IGF2R: variants seen among roughly 807,000 people sequenced by gnomAD.
IGF2R encodes the protein insulin like growth factor 2 receptor.
Under a neutral mutation model 270.6 loss-of-function variants are expected in IGF2R, and 91 were observed. The ratio of observed to expected loss-of-function variants is 0.34; its 90% CI spans 0.28 to 0.40. The LOEUF (loss-of-function observed/expected upper bound fraction) is 0.40. Ranked by LOEUF, IGF2R falls within the 10% of genes least tolerant of loss-of-function variation. The probability of loss-of-function intolerance (pLI) is 1.00; values close to 1 mark genes in which losing one functional copy is unlikely to be tolerated. For synonymous variants in IGF2R, 1,316 were observed against 1,258.9 expected (o/e 1.05, Z -0.96); for missense variants, 2,805 against 3,188.3 (o/e 0.88, Z 2.90).
At chr6:160,053,682 G>A (rs1489522181) in intron 19 of IGF2R, among the ~76,000 whole-genome samples, 2 of 152,032 alleles carry the variant, frequency 1.3e-5, no homozygotes, top group African/African-American at 4.8e-5. Flanking sequence ...ACACATCTCT[G>A]GTGTCCTGTA....
intron 36 of IGF2R, 51 bp from the exon 37 acceptor site, chr6:160,078,150 T>C: frequency 1.9e-6 from 3 of 1,590,860 alleles, no homozygotes; most frequent in Non-Finnish European, 2.6e-6. Flanking sequence ...GTCACTGCTA[T>C]CTATCCCTAT....
At chr6:160,046,411 C>T (rs1778070000) in intron 14 of IGF2R, 87 bp from the exon 15 acceptor site, 6 of 1,336,450 alleles carry the variant, frequency 4.5e-6, no homozygotes, top group Non-Finnish European at 5.1e-6. Context: ...CTGGGAAGAA[C>T]CTCTCCCTTT....
At chr6:160,064,371 A>T (rs775949529) in intron 27 of IGF2R, 30 bp from the exon 28 acceptor site, 1 of 1,614,158 alleles carries the variant, frequency 6.2e-7, no homozygotes, top group South Asian at 1.1e-5. Flanking sequence ...ACCCGAACCA[A>T]ACCTTGTTTA....
Position 160,027,222 on chromosome 6 carries a change from T to C in IGF2R, c.684T>C (p.Cys228=). 1.2e-6 allele frequency: 2 copies of C among 1,614,174 alleles called. No homozygotes were observed. The change falls in exon 6 of 48, where the codon TGT becomes TGC. Residue 228 remains cysteine (C), a synonymous_variant. Coordinates refer to ENST00000356956, the MANE Select transcript of IGF2R (RefSeq NM_000876.4). The part of the protein sequence containing the change: ...LRDPGSQLRA[C]PPGTAACLVR... ...ACCCAGGTTCACAGCTGCGGGCCTG[T>C]CCCCCCGGCACTGCCGCCTGCCTGG... is the stretch of plus-strand genomic sequence containing the variant.
intron 34 of IGF2R, 128 bp from the exon 35 acceptor site, chr6:160,073,629 A>C: frequency 9.3e-7 from 1 of 1,075,526 alleles, no homozygotes; most frequent in Non-Finnish European, 1.4e-6. Context: ...AGTGCTATGT[A>C]ATGAAGCATT....
intron 39 of IGF2R, among the ~76,000 whole-genome samples, chr6:160,080,488 C>T (rs953302566): frequency 3.9e-5 from 6 of 152,150 alleles, no homozygotes; most frequent in African/African-American, 9.7e-5. Flanking sequence ...GTAGAGCTGC[C>T]GTGAGATGCT....
intron 13 of IGF2R, 66 bp downstream of exon 13, chr6:160,044,723 T>C (rs1778031120): frequency 1.6e-6 from 2 of 1,232,400 alleles, no homozygotes; most frequent in Non-Finnish European, 2.3e-6. Flanking sequence ...TCTTCATATC[T>C]CTGTTCCTCA....
In IGF2R at chr6:160,084,178, G is replaced by C; in HGVS notation, c.6062G>C (p.Gly2021Ala). 2 of 1,593,850 alleles carry C rather than the reference G, an allele frequency of 1.3e-6. No homozygotes were observed. Among genetic ancestry groups the C allele is most frequent in the Non-Finnish European group, 1.7e-6 (2 of 1,161,596 alleles). ...GGGTCCTGGTCCCTCGTCCACAACG[G>C]AGTCTCGTGAGTGCCTTCCCAGTCC... ...LTGSWSLVHN[G>A]VSYYINLCQK... Residue 2021 changes from glycine (G) to alanine (A), a missense_variant, in exon 40 of 48, where the codon GGA (glycine) becomes GCA (alanine). Transcript: ENST00000356956. The surrounding 1 kb of genome is among the most constrained non-coding windows in gnomAD (Gnocchi z 4.6).
At chr6:160,019,590 T>C (rs996972039) in intron 4 of IGF2R, among the ~76,000 whole-genome samples, 6 of 152,156 alleles carry the variant, frequency 3.9e-5, no homozygotes, top group Non-Finnish European at 7.4e-5. Context: ...AAACTGAATG[T>C]AACAGCACTT....
At chr6:159,969,418 G>A (rs1216612515) in intron 1 of IGF2R, 23 bp downstream of exon 1, 3 of 1,205,272 alleles carry the variant, frequency 2.5e-6, no homozygotes, top group Non-Finnish European at 3.1e-6. Flanking sequence ...CCCGGACGCA[G>A]GCTCCGCTCG....
chr6:159,975,159 CTG>C (rs2115166813), intron 1 of IGF2R, among the ~76,000 whole-genome samples: 1 of 152,310 alleles, frequency 6.6e-6, no homozygotes, highest in Non-Finnish European at 1.5e-5. Context: ...GTCCGGGCCT[CTG>C]GAACTTCTGA....
chr6:160,035,874 T>A (rs1402743767), intron 10 of IGF2R, among the ~76,000 whole-genome samples: 2 of 152,146 alleles, frequency 1.3e-5, no homozygotes, highest in Non-Finnish European at 2.9e-5. Flanking sequence ...GGCTGGGGTC[T>A]GGGCTGGGTG....
chr6:160,012,724 G>A (rs1784353243), intron 4 of IGF2R, among the ~76,000 whole-genome samples: 1 of 147,972 alleles, frequency 6.8e-6, no homozygotes, highest in Admixed American at 6.9e-5. Context: ...TTACAGGCAT[G>A]AGCCACCATG....
intron 4 of IGF2R, among the ~76,000 whole-genome samples, chr6:160,011,225 C>G (rs898809616): frequency 2.0e-5 from 3 of 152,162 alleles, no homozygotes; most frequent in African/African-American, 7.2e-5. Context: ...TACCTGTTTG[C>G]ATTGTTAAAT....
In IGF2R at chr6:160,102,811, T is replaced by G; in HGVS notation, c.6995+140T>G. 9.9e-7 allele frequency: 1 copy of G among 1,013,600 alleles called. No homozygotes were observed. The allele number at this position is 1,013,600 out of a possible 1,614,324, so 62.8% of individuals were successfully genotyped here. ...GCTCGAGGTTCTTAGTCCAAAACTC[T>G]CTGGAAGCAGTCCCCAGCGTTGTGG... is the stretch of plus-strand genomic sequence containing the variant. On this transcript the variant is annotated intron_variant, in intron 46 of 47. Coordinates refer to ENST00000356956, the MANE Select transcript of IGF2R (RefSeq NM_000876.4). This position sits in a 1 kb window ranked among gnomAD's most constrained non-coding sequence, Gnocchi z 4.5.
intron 17 of IGF2R, 65 bp downstream of exon 17, chr6:160,047,972 G>A: frequency 9.5e-7 from 1 of 1,053,114 alleles, no homozygotes; most frequent in Non-Finnish European, 1.5e-6. Flanking sequence ...AGTGTTGCTG[G>A]TGAGCGTGTG....
intron 39 of IGF2R, among the ~76,000 whole-genome samples, chr6:160,082,641 T>C (rs1029483275): frequency 1.3e-5 from 2 of 152,152 alleles, no homozygotes; most frequent in African/African-American, 2.4e-5. Flanking sequence ...ATTAGTAGAT[T>C]GGTCAAATAT....
At chr6:160,040,968 C>T (rs1217451788) in intron 11 of IGF2R, among the ~76,000 whole-genome samples, 1 of 152,164 alleles carries the variant, frequency 6.6e-6, no homozygotes, top group Non-Finnish European at 1.5e-5. Flanking sequence ...GCCTCTCTTC[C>T]ATCTCTGAGG....
chr6:160,060,490 G>A, intron 22 of IGF2R, 57 bp from the exon 23 acceptor site: 1 of 1,563,228 alleles, frequency 6.4e-7, no homozygotes, highest in Non-Finnish European at 8.8e-7. Flanking sequence ...CTGTGCTTGT[G>A]GGCTGCGCCA....
Sources: gnomAD v4.1 joint callset for allele counts (sites outside exome capture counted in the v4.1 genomes callset) on GRCh38, gnomAD v4.1.1 for gene constraint, Gnocchi (gnomAD v3.1) non-coding constraint, MANE v1.5 for transcripts, NCBI Gene and HGNC (gene_info 2026-07-23, HGNC 2026-07-21) for gene names.